Variants in MYO1C observed in about 807,000 individuals in gnomAD.
The protein encoded by MYO1C is myosin IC.
MYO1C carries 104 observed loss-of-function variants against 150.8 expected under a neutral mutation model. The observed-to-expected ratio is 0.69, with a 90% CI of 0.59 to 0.81. The LOEUF (loss-of-function observed/expected upper bound fraction) is 0.81, where lower values mean the gene tolerates loss of function less well. MYO1C is among the 30% of genes least tolerant of loss of function. MYO1C has a pLI of 0.00. For synonymous variants in MYO1C, 663 were observed against 579.9 expected, an observed-to-expected ratio of 1.14 and a Z score of -2.06; for missense variants, 1,504 against 1,435.0, an observed-to-expected ratio of 1.05 and a Z score of -0.78.
At position 1,471,093 on chromosome 17, in the gene MYO1C, C is replaced by G. The variant is rs1039248845; in HGVS notation, c.2190G>C (p.Leu730=). Residue 730 remains leucine (L), a synonymous_variant, in exon 21 of 32, where the codon CTG becomes CTC. Coordinates refer to ENST00000648651, the MANE Select transcript of MYO1C (RefSeq NM_001080779.2). ...PKTLFATEDA[L]EVRRQSLATK... is the part of the protein sequence containing the mutation. Reference sequence around the variant, plus strand: ...CACCCAGGCTCTGCCGCCGGACCTCCAGGGCATCCTCTGTGGCAAACAGGG... The same window carrying G: ...CACCCAGGCTCTGCCGCCGGACCTCGAGGGCATCCTCTGTGGCAAACAGGG... The G allele has an allele frequency of 3.7e-6, 6 of 1,614,148 alleles. No homozygotes were observed. The highest frequency in any genetic ancestry group is 1.6e-4 in the Middle Eastern group (1 of 6,062).
intron 1 of MYO1C, among the ~76,000 whole-genome samples, chr17:1,488,290 C>T (rs1297171388): frequency 6.6e-6 from 1 of 152,146 alleles, no homozygotes; most frequent in Non-Finnish European, 1.5e-5. Flanking sequence ...CACCGCCCGG[C>T]GGCGGAAGGA....
chr17:1,467,660 C>A, intron 29 of MYO1C, 83 bp from the exon 30 acceptor site: 1 of 1,167,094 alleles, frequency 8.6e-7, no homozygotes, highest in Non-Finnish European at 1.2e-6. Context: ...CACCTCCTGA[C>A]CCCCAAATCC....
intron 14 of MYO1C, among the ~76,000 whole-genome samples, chr17:1,475,960 G>A (rs778390587): frequency 4.8e-4 from 73 of 151,918 alleles, no homozygotes; most frequent in Non-Finnish European, 7.8e-4. Flanking sequence ...TCTCGACTAC[G>A]AAAAAAAATG....
At chr17:1,477,334 T>G (rs1385013523) in intron 14 of MYO1C, 171 bp downstream of exon 14, 1 of 664,112 alleles carries the variant, frequency 1.5e-6, no homozygotes, top group African/African-American at 1.8e-5. Flanking sequence ...CGTGTCAGCA[T>G]GCCTGGCTAA....
intron 1 of MYO1C, chr17:1,485,107 G>A (rs2074624755): frequency 1.5e-5 from 19 of 1,235,348 alleles, no homozygotes; most frequent in Admixed American, 2.9e-5. Flanking sequence ...AAGCCTCAGG[G>A]GATGGGGGCT....
rs758687171 is a variant in MYO1C, at chr17:1,472,028, G to C, written c.1904-4C>G. On this transcript the variant is annotated splice_polypyrimidine_tract_variant and splice_region_variant and intron_variant, in intron 18 of 31. Transcript: ENST00000648651. ...ATCAGCACCTCGTCAAAGCGGCCTG[G>C]GGTAGGGGGAGCGCCGTGGTCAGCG... 1 of 1,613,948 alleles carries C rather than the reference G, an allele frequency of 6.2e-7. No homozygotes were observed. Among genetic ancestry groups the C allele is most frequent in the Admixed American group, 1.7e-5 (1 of 60,030 alleles).
At chr17:1,485,343 A>C in intron 1 of MYO1C, 1 of 447,504 alleles carries the variant, frequency 2.2e-6, no homozygotes. Context: ...CTGACCACGA[A>C]AGGCCCAGAT....
chr17:1,480,740 T>A lies in MYO1C; in HGVS notation c.773A>T (p.Glu258Val). The A allele has an allele frequency of 6.2e-7, 1 of 1,613,972 alleles. No individual in the cohort carries two copies. The highest frequency in any genetic ancestry group is 8.5e-7 in the Non-Finnish European group (1 of 1,179,992). Residue 258 changes from glutamate to valine, a missense_variant, in exon 6 of 32, where the codon GAA (glutamate) becomes GTA (valine). Coordinates refer to ENST00000648651, the MANE Select transcript of MYO1C (RefSeq NM_001080779.2). Reference protein sequence around the residue: ...EEETLRRLGLERNPQSYLYLV... With the variant: ...EEETLRRLGLVRNPQSYLYLV... ...GTACAGGTAGCTCTGGGGGTTCCGT[T>A]CCAAGCCCAGCCTGCGAAGAGTCTC... is the stretch of plus-strand genomic sequence containing the variant.
At chr17:1,471,452 G>A (rs974091727) in intron 19 of MYO1C, 116 bp from the exon 20 acceptor site, 19 of 821,734 alleles carry the variant, frequency 2.3e-5, no homozygotes, top group Middle Eastern at 2.9e-4. Context: ...ACAGCTAGCA[G>A]GAGGCTCACT....
Position 1,474,928 on chromosome 17 carries a change from G to C in MYO1C, c.1669+10C>G. 6.2e-7 allele frequency: 1 copy of C among 1,607,372 alleles called. No individual in the cohort carries two copies. The highest frequency in any genetic ancestry group is 8.5e-7 in the Non-Finnish European group (1 of 1,176,600). ...AGGCCCCTGTGGGGACACAGCCCCA[G>C]GATCCTCACCGGTCACGCTGTAGGT... On this transcript the variant is annotated intron_variant, in intron 15 of 31. Coordinates refer to ENST00000648651, the MANE Select transcript of MYO1C (RefSeq NM_001080779.2).
rs1436534448 is a variant in MYO1C at position 1,470,709 on chromosome 17, G to A, written c.2213-20C>T. The A allele has an allele frequency of 6.3e-7, 1 of 1,598,424 alleles. No homozygotes were observed. Among genetic ancestry groups the A allele is most frequent in the Non-Finnish European group, 8.5e-7 (1 of 1,178,036 alleles). Reference sequence around the variant, plus strand: ...TTGTGGCTGCGGTTGGGAAAGAAAGGCAATTGGCCAGAGCGCGGGGAGCCA... The same window carrying A: ...TTGTGGCTGCGGTTGGGAAAGAAAGACAATTGGCCAGAGCGCGGGGAGCCA... On this transcript the variant is annotated intron_variant, in intron 21 of 31. Coordinates refer to ENST00000648651, the MANE Select transcript of MYO1C (RefSeq NM_001080779.2).
rs1598338761 is a variant in MYO1C at position 1,479,855 on chromosome 17, C to A, written c.907-150G>T. The A allele has an allele frequency of 1.2e-5, 8 of 641,848 alleles. No individual in the cohort carries two copies. Among genetic ancestry groups the A allele is most frequent in the Admixed American group, 2.4e-5 (1 of 40,916 alleles). 39.8% of individuals were successfully genotyped at this position (641,848 alleles called of 1,614,324 possible). Reference sequence around the variant, plus strand: ...TGGGTGTTAAAGGTGGAAGGTGATTCTGCGGGTGGGATGGGCACGGTGGCT... The same window carrying A: ...TGGGTGTTAAAGGTGGAAGGTGATTATGCGGGTGGGATGGGCACGGTGGCT... On this transcript the variant is annotated intron_variant, in intron 7 of 31. Coordinates refer to ENST00000648651, the MANE Select transcript of MYO1C (RefSeq NM_001080779.2). The surrounding 1 kb of genome is among the most constrained non-coding windows in gnomAD (Gnocchi z 4.2).
rs575160318 is a variant in MYO1C, at chr17:1,485,800, C to CCCGCCCCCCGCA, written c.76-1509_76-1498dup. ...TGGCGGCGGCGTCAGCGAGGGAGGG[C>CCCGCCCCCCGCA]CCGCCCCCCGCACCGCCCCCACCCG... On this transcript the variant is annotated intron_variant, in intron 1 of 31. Transcript: ENST00000648651. The CCCGCCCCCCGCA allele has an allele frequency of 0.13, 85,505 of 643,678 alleles. 10,048 individuals carry two copies. Among genetic ancestry groups the CCCGCCCCCCGCA allele is most frequent in the East Asian group, 0.22 (1,676 of 7,696 alleles). 39.9% of individuals were successfully genotyped at this position (643,678 alleles called of 1,614,324 possible).
Position 1,484,238 on chromosome 17 carries a change from C to T in MYO1C, c.141G>A (p.Gly47=), listed in dbSNP as rs2074602117. 1.2e-6 allele frequency: 2 copies of T among 1,612,670 alleles called. No homozygotes were observed. Among genetic ancestry groups the T allele is most frequent in the Non-Finnish European group, 1.7e-6 (2 of 1,180,032 alleles). The change falls in exon 2 of 32, where the codon GGG becomes GGA. Residue 47 remains glycine (G), a synonymous_variant. Transcript: ENST00000648651. ...ESALTARDRV[G]VQDFVLLENF... ...TCTCCAGCAGCACGAAATCCTGCAC[C>T]CCCACCCGGTCACGGGCGGTGAGCG...
Position 1,478,237 on chromosome 17 carries a change from G to A in MYO1C, c.1296-45C>T. On this transcript the variant is annotated intron_variant, in intron 11 of 31. Transcript: ENST00000648651. The surrounding 1 kb of genome is among the most constrained non-coding windows in gnomAD (Gnocchi z 6.3). The stretch of plus-strand genomic sequence containing the variant: ...CCCACAGTGGCTCAGTGGGGACACA[G>A]GACCAGGAGAGGGGAAAAGCTGGAC... 6.3e-7 allele frequency: 1 copy of A among 1,591,160 alleles called. No homozygotes were observed. The highest frequency in any genetic ancestry group is 8.6e-7 in the Non-Finnish European group (1 of 1,160,572).
intron 1 of MYO1C, among the ~76,000 whole-genome samples, chr17:1,490,581 C>G (rs2074718224): frequency 6.6e-6 from 1 of 152,190 alleles, no homozygotes; most frequent in Non-Finnish European, 1.5e-5. Context: ...AGCAGCCTAA[C>G]TGGCCTCCTT....
At position 1,467,583 on chromosome 17, in the gene MYO1C, G is replaced by C; in HGVS notation, c.2968-6C>G. On this transcript the variant is annotated splice_region_variant and splice_polypyrimidine_tract_variant and intron_variant, in intron 29 of 31. Coordinates refer to ENST00000648651, the MANE Select transcript of MYO1C (RefSeq NM_001080779.2). ...CTCTGCAGCACCACATCTCCCTGGG[G>C]GGCCAGGCAGGAGGAGGGGTCAGGC... 6.2e-7 allele frequency: 1 copy of C among 1,612,356 alleles called. No homozygotes were observed. Among genetic ancestry groups the C allele is most frequent in the Non-Finnish European group, 8.5e-7 (1 of 1,179,864 alleles).
rs45508699 is a variant in MYO1C, at chr17:1,468,242, C to T, written c.2760+11G>A. ...GTGCTGCTGGACTCAGGGCTGCAGG[C>T]AGGCTCTTACCTGAATGGGCTCAGA... On this transcript the variant is annotated intron_variant, in intron 27 of 31. Transcript: ENST00000648651. 1,868 of 1,613,246 alleles carry T rather than the reference C, an allele frequency of 1.2e-3. 21 individuals are homozygous for T. The African/African-American group carries it at 0.022, about 19-fold the overall frequency.
At chr17:1,469,814 C>T (rs753070910) in intron 24 of MYO1C, among the ~76,000 whole-genome samples, 200 bp from the exon 25 acceptor site, 4 of 152,184 alleles carry the variant, frequency 2.6e-5, no homozygotes, top group Non-Finnish European at 5.9e-5. Flanking sequence ...GTGGGTGGAT[C>T]ACCCGAGCTC....
Sources: gnomAD v4.1 joint callset for allele counts (sites outside exome capture counted in the v4.1 genomes callset) on GRCh38, gnomAD v4.1.1 for gene constraint, Gnocchi (gnomAD v3.1) non-coding constraint, MANE v1.5 for transcripts, NCBI Gene and HGNC (gene_info 2026-07-23, HGNC 2026-07-21) for gene names.